NRAP: variants seen among roughly 807,000 people sequenced by gnomAD.
NRAP encodes nebulin related anchoring protein.
Under a neutral mutation model 225.9 loss-of-function variants are expected in NRAP, and 189 were observed. The ratio of observed to expected loss-of-function variants is 0.84; its 90% CI spans 0.74 to 0.94. NRAP has a LOEUF of 0.94. Ranked by LOEUF, NRAP falls within the 40% of genes least tolerant of loss-of-function variation. NRAP has a pLI of 0.00. For missense variants in NRAP, 2,176 were observed against 2,168.7 expected (o/e 1.00, Z -0.07); for synonymous variants, 769 against 790.7 (o/e 0.97, Z 0.46).
chr10:113,598,204 AG>A, intron 35 of NRAP, 131 bp from the exon 36 acceptor site: 1 of 695,304 alleles, frequency 1.4e-6, no homozygotes. Flanking sequence ...CTTCACTGGG[AG>A]TACATTCTGC....
rs1850155783 is a variant in NRAP, at chr10:113,654,096, C to T, written c.390G>A (p.Gly130=). 1 of 1,613,404 alleles carries T rather than the reference C, an allele frequency of 6.2e-7. No homozygotes were observed. The highest frequency in any genetic ancestry group is 1.3e-5 in the African/African-American group (1 of 74,866). Residue 130 remains glycine, a synonymous_variant, in exon 5 of 42, where the codon GGG becomes GGA. Coordinates refer to ENST00000359988, the MANE Select transcript of NRAP (RefSeq NM_198060.4). The part of the protein sequence containing the change: ...ERAYWTGYGE[G]NAWCPGALPD... ...GCAGAGCTCCTGGGCACCAAGCATTCCCTTCCCCATATCCAGTCCAATAGG... is the reference window on the plus strand; with the variant it reads ...GCAGAGCTCCTGGGCACCAAGCATTTCCTTCCCCATATCCAGTCCAATAGG...
At position 113,590,805 on chromosome 10, in the gene NRAP, A is replaced by C. The variant is rs1845931934; in HGVS notation, c.4729T>G (p.Phe1577Val). ...CTCTGGAGCCTGCCAACGTTGAGGA[A>C]ATGCTTCATCCTTGGGTCATCGTCG... ...SVDDDPRMKHFLNVGRLQSDN... is the reference protein window; with the variant it reads ...SVDDDPRMKHVLNVGRLQSDN... The change falls in exon 40 of 42, where the codon TTC (phenylalanine) becomes GTC (valine). Residue 1577 changes from phenylalanine (F) to valine (V), a missense_variant. Phe to Val is a conservative substitution (Grantham distance 50). This residue lies in a region of NRAP where 445 missense variants were observed against 426.1 expected (regional missense o/e 1.04). Transcript: ENST00000359988. The C allele has an allele frequency of 1.2e-6, 2 of 1,614,216 alleles. No individual in the cohort carries two copies. Among genetic ancestry groups the C allele is most frequent in the Non-Finnish European group, 1.7e-6 (2 of 1,180,024 alleles).
rs779903762 is a variant in NRAP at position 113,629,644 on chromosome 10, G to C, written c.1984C>G (p.Leu662Val). 5 of 1,613,914 alleles carry C rather than the reference G, an allele frequency of 3.1e-6. No homozygotes were observed. The East Asian group carries it at 1.1e-4, about 36-fold the overall frequency. ...YRKKLHEYTV[L>V]PEDMKTQWAK... ...CACTGAGTCTTCATATCTTCAGGCA[G>C]CACAGTGTATTCATGCAGTTTCTTC... is the stretch of plus-strand genomic sequence containing the variant. The change falls in exon 19 of 42, where the codon CTG (leucine) becomes GTG (valine). Residue 662 changes from leucine to valine, a missense_variant. Transcript: ENST00000359988.
At chr10:113,622,285 C>G in intron 23 of NRAP, 105 bp from the exon 24 acceptor site, 3 of 735,480 alleles carry the variant, frequency 4.1e-6, no homozygotes, top group Non-Finnish European at 4.6e-6. Context: ...GGACAGAATC[C>G]TATTAGAATT....
chr10:113,598,790 C>T (rs1388356557), intron 35 of NRAP, among the ~76,000 whole-genome samples: 1 of 152,176 alleles, frequency 6.6e-6, no homozygotes, highest in Non-Finnish European at 1.5e-5. Context: ...CACTGTTACT[C>T]ATTATGATTT....
At chr10:113,641,939 T>C (rs1381781744) in intron 12 of NRAP, among the ~76,000 whole-genome samples, 1 of 152,184 alleles carries the variant, frequency 6.6e-6, no homozygotes, top group Non-Finnish European at 1.5e-5. Flanking sequence ...AATTCTGTGA[T>C]GTAAAAGTTG....
At chr10:113,622,875 A>G (rs1848080721) in intron 23 of NRAP, among the ~76,000 whole-genome samples, 1 of 152,218 alleles carries the variant, frequency 6.6e-6, no homozygotes, top group Non-Finnish European at 1.5e-5. Context: ...ATGTAAACCA[A>G]CCACATCACC....
rs1323517293 is a variant in NRAP at position 113,588,816 on chromosome 10, C to G, written c.*159G>C. 1.5e-6 allele frequency: 1 copy of G among 645,948 alleles called. No individual in the cohort carries two copies. Among genetic ancestry groups the G allele is most frequent in the African/African-American group, 1.8e-5 (1 of 54,932 alleles). 40.0% of individuals were successfully genotyped at this position (645,948 alleles called of 1,614,324 possible). A position where few individuals can be genotyped will look rare whatever the true frequency, so the allele number is the denominator to read the frequency against. On this transcript the variant is annotated 3_prime_UTR_variant, in exon 42 of 42. Transcript: ENST00000359988. Reference sequence around the variant, plus strand: ...TAGGTATCAGAGAGGACCACAAATACAACATTCTCCATCTGCTTTCAGAGT... The same window carrying G: ...TAGGTATCAGAGAGGACCACAAATAGAACATTCTCCATCTGCTTTCAGAGT...
chr10:113,592,166 A>G, intron 39 of NRAP, 28 bp downstream of exon 39: 2 of 1,394,606 alleles, frequency 1.4e-6, no homozygotes, highest in Non-Finnish European at 2.0e-6. Flanking sequence ...CTCATCAGTG[A>G]CCGCAGGAGA....
intron 14 of NRAP, among the ~76,000 whole-genome samples, chr10:113,634,893 G>T (rs1848777352): frequency 6.6e-6 from 1 of 152,174 alleles, no homozygotes; most frequent in African/African-American, 2.4e-5. Context: ...TGGAGCATCA[G>T]CGACTCCTTG....
chr10:113,612,340 G>T lies in NRAP; in HGVS notation c.3392C>A (p.Thr1131Asn), dbSNP rs928569582. 5.0e-6 allele frequency: 8 copies of T among 1,614,030 alleles called. No individual in the cohort carries two copies. The African/African-American group carries it at 8.0e-5, about 16-fold the overall frequency. The change falls in exon 30 of 42, where the codon ACC (threonine) becomes AAC (asparagine). Residue 1131 changes from threonine to asparagine, a missense_variant. Thr to Asn is a moderately conservative substitution (Grantham distance 65, BLOSUM62 0). Coordinates refer to ENST00000359988, the MANE Select transcript of NRAP (RefSeq NM_198060.4). Reference protein sequence around the residue: ...AALVHAKKAQTLASNQDYKHP... With the variant: ...AALVHAKKAQNLASNQDYKHP... ...TTTGTAGTCCTGATTGCTGGCCAGG[G>T]TCTGAGCCTTCTTGGCATGCACCAG...
In NRAP at chr10:113,663,815, T is replaced by C. The variant is rs1305501209; in HGVS notation, c.68A>G (p.Asp23Gly). The change falls in exon 1 of 42, where the codon GAT (aspartate) becomes GGT (glycine). Residue 23 changes from aspartate (D) to glycine (G), a missense_variant. Physicochemically the swap from Asp to Gly is moderately conservative, Grantham distance 94. Around this residue, in one of 3 missense-constraint regions of NRAP, gnomAD observed 1,708 missense variants for 1,695.5 expected, o/e 1.01. Coordinates refer to ENST00000359988, the MANE Select transcript of NRAP (RefSeq NM_198060.4). ...AGCCAAGAAATGTCTACTGACCTGATCTATACAGCTGATCTTCTCGGCAGG... is the reference window on the plus strand; with the variant it reads ...AGCCAAGAAATGTCTACTGACCTGACCTATACAGCTGATCTTCTCGGCAGG... The part of the protein sequence containing the change: ...VYPAEKISCI[D>G]QIWHKACFHC... The C allele has an allele frequency of 3.1e-6, 5 of 1,611,714 alleles. No homozygotes were observed. In the Admixed American group the frequency reaches 8.3e-5, roughly 27 times the overall value.
At chr10:113,592,097 T>A in intron 39 of NRAP, 97 bp downstream of exon 39, 1 of 609,332 alleles carries the variant, frequency 1.6e-6, no homozygotes, top group Non-Finnish European at 2.8e-6. Context: ...GAGAGAGAGA[T>A]AATCTTGACA....
intron 23 of NRAP, 93 bp from the exon 24 acceptor site, chr10:113,622,273 T>A (rs961030243): frequency 5.1e-6 from 4 of 791,362 alleles, no homozygotes; most frequent in Non-Finnish European, 8.3e-6. Context: ...AACAAAGCCA[T>A]TGGACAGAAT....
At chr10:113,649,323 T>C (rs1849790880) in intron 9 of NRAP, among the ~76,000 whole-genome samples, 1 of 152,162 alleles carries the variant, frequency 6.6e-6, no homozygotes, top group Admixed American at 6.5e-5. Context: ...CAAACAACTG[T>C]CCAATTATGA....
intron 14 of NRAP, 112 bp downstream of exon 14, chr10:113,640,115 C>T (rs1226235135): frequency 1.6e-6 from 1 of 617,234 alleles, no homozygotes; most frequent in South Asian, 2.3e-5. Flanking sequence ...ATCCCTTCAA[C>T]CTCTTATGAA....
rs1157943851 is a variant in NRAP, at chr10:113,604,764, G to A, written c.4072C>T (p.His1358Tyr). ...RGATSSQAQF[H>Y]LPMDMVHLVH... ...AGGTGCACCATGTCCATGGGCAGAT[G>A]GAACTGGGCTTGGCTGCTGGTCGCC... is the stretch of plus-strand genomic sequence containing the variant. The change falls in exon 35 of 42, where the codon CAT (histidine) becomes TAT (tyrosine). Residue 1358 changes from histidine to tyrosine, a missense_variant. This residue lies in a region of NRAP where 1,708 missense variants were observed against 1,695.5 expected (regional missense o/e 1.01). Coordinates refer to ENST00000359988, the MANE Select transcript of NRAP (RefSeq NM_198060.4). 1.2e-6 allele frequency: 2 copies of A among 1,614,102 alleles called. No individual in the cohort carries two copies. Among genetic ancestry groups the A allele is most frequent in the African/African-American group, 1.3e-5 (1 of 74,946 alleles).
intron 30 of NRAP, among the ~76,000 whole-genome samples, chr10:113,611,826 C>T (rs1378229067): frequency 6.6e-6 from 1 of 152,190 alleles, no homozygotes; most frequent in Non-Finnish European, 1.5e-5. Flanking sequence ...TAAACATGCA[C>T]AACCATGAAC....
intron 22 of NRAP, among the ~76,000 whole-genome samples, chr10:113,624,102 A>G (rs1327714347): frequency 1.3e-5 from 2 of 151,760 alleles, no homozygotes; most frequent in African/African-American, 4.8e-5. Flanking sequence ...TCCTGCTCCT[A>G]TCTCCAAATG....
Sources: allele counts gnomAD v4.1 joint callset (sites outside exome capture counted in the v4.1 genomes callset), GRCh38; gene constraint gnomAD v4.1.1; regional missense constraint gnomAD v4.1.1; transcripts MANE v1.5; gene names NCBI Gene and HGNC (gene_info 2026-07-23, HGNC 2026-07-21).